LBH: variants seen among roughly 807,000 people sequenced by gnomAD.
LBH encodes protein LBH.
LBH carries 7 observed loss-of-function variants against 12.5 expected under a neutral mutation model. That is an observed-to-expected ratio of 0.56 (90% confidence interval 0.32 to 1.05). The LOEUF is 1.05. Ranked by LOEUF, LBH falls within the 50% of genes least tolerant of loss-of-function variation. LBH has a pLI of 0.04. For missense variants in LBH, 119 were observed against 138.9 expected, an observed-to-expected ratio of 0.86 and a Z score of 0.72; for synonymous variants, 51 against 50.1, an observed-to-expected ratio of 1.02 and a Z score of -0.08.
chr2:30,247,229 C>A (rs973288050), intron 2 of LBH, among the ~76,000 whole-genome samples: 2 of 150,720 alleles, frequency 1.3e-5, no homozygotes, highest in Non-Finnish European at 2.9e-5. Context: ...TTGAGTGCAT[C>A]TTTTACCCAT....
At chr2:30,241,953 A>T (rs2103558540) in intron 2 of LBH, among the ~76,000 whole-genome samples, 1 of 152,262 alleles carries the variant, frequency 6.6e-6, no homozygotes, top group East Asian at 1.9e-4. Context: ...TATTGTGATG[A>T]TTTATCTTAA....
At chr2:30,257,037 G>C (rs1000738728) in intron 2 of LBH, among the ~76,000 whole-genome samples, 1 of 152,228 alleles carries the variant, frequency 6.6e-6, no homozygotes, top group African/African-American at 2.4e-5. Flanking sequence ...ACTTAATGCT[G>C]TGGCACCTGT....
At position 30,257,519 on chromosome 2, in the gene LBH, G is replaced by A; in HGVS notation, c.216G>A (p.Glu72=). 21 of 1,614,254 alleles carry A rather than the reference G, an allele frequency of 1.3e-5. No homozygotes were observed. Among genetic ancestry groups the A allele is most frequent in the Admixed American group, 1.7e-5 (1 of 60,030 alleles). ...PSIVVEPTEG[E]VESGELRWPP... ...TAGTGGTGGAACCCACAGAAGGGGAGGTGGAGAGCGGGGAGCTCCGGTGGC... is the reference window on the plus strand; with the variant it reads ...TAGTGGTGGAACCCACAGAAGGGGAAGTGGAGAGCGGGGAGCTCCGGTGGC... The change falls in exon 3 of 3, where the codon GAG becomes GAA. Residue 72 remains glutamate (E), a synonymous_variant. Transcript: ENST00000395323.
In LBH at chr2:30,245,768, C is replaced by T. The variant is rs533744589; in HGVS notation, c.129+11261C>T. ...AATCCTTATTGTGTTTTTTAAAAGTCGAATAATGACATGAAATCCACCATC... is the reference window on the plus strand; with the variant it reads ...AATCCTTATTGTGTTTTTTAAAAGTTGAATAATGACATGAAATCCACCATC... On this transcript the variant is annotated intron_variant, in intron 2 of 2. Transcript: ENST00000395323. Among the ~76,000 whole-genome samples, 7 of 152,090 alleles carry T rather than the reference C, an allele frequency of 4.6e-5. No individual in the cohort carries two copies. In the South Asian group the frequency reaches 1.0e-3, roughly 23 times the overall value.
chr2:30,249,664 C>G (rs892435902), intron 2 of LBH, among the ~76,000 whole-genome samples: 5 of 152,204 alleles, frequency 3.3e-5, no homozygotes, highest in Admixed American at 6.5e-5. Flanking sequence ...AGAACTCGGC[C>G]TAGGATTTGT....
chr2:30,247,860 G>A (rs1572381355), intron 2 of LBH, among the ~76,000 whole-genome samples: 1 of 152,188 alleles, frequency 6.6e-6, no homozygotes, highest in Non-Finnish European at 1.5e-5. Flanking sequence ...AGTATGGTTT[G>A]CTGCCACTAT....
intron 2 of LBH, among the ~76,000 whole-genome samples, chr2:30,245,083 C>T (rs1677849450): frequency 6.6e-6 from 1 of 152,092 alleles, no homozygotes; most frequent in Admixed American, 6.6e-5. Context: ...TGCATAAATA[C>T]ATCTTTTTAT....
chr2:30,238,139 G>A (rs1267760686), intron 2 of LBH, among the ~76,000 whole-genome samples: 1 of 152,198 alleles, frequency 6.6e-6, no homozygotes, highest in East Asian at 1.9e-4. Flanking sequence ...CTTCGATGCT[G>A]TGCCCGACTT....
At chr2:30,248,970 T>A (rs1185606114) in intron 2 of LBH, among the ~76,000 whole-genome samples, 1 of 151,216 alleles carries the variant, frequency 6.6e-6, no homozygotes, top group African/African-American at 2.5e-5. Flanking sequence ...AATCTTTGCT[T>A]AAGTCCTCTA....
At chr2:30,234,231 T>C in intron 1 of LBH, 174 bp from the exon 2 acceptor site, 1 of 596,834 alleles carries the variant, frequency 1.7e-6, no homozygotes, top group Non-Finnish European at 3.0e-6. Context: ...CCTGGGGCTG[T>C]GGGCTTGCAA....
intron 2 of LBH, among the ~76,000 whole-genome samples, chr2:30,241,419 A>G (rs997916437): frequency 1.3e-5 from 2 of 150,484 alleles, no homozygotes; most frequent in African/African-American, 4.9e-5. Flanking sequence ...TAAAAGAAAC[A>G]TATGCTCATT....
At chr2:30,246,827 C>CCTTT (rs988188807) in intron 2 of LBH, among the ~76,000 whole-genome samples, 7 of 129,644 alleles carry the variant, frequency 5.4e-5, no homozygotes, top group Non-Finnish European at 8.4e-5. Context: ...CTCCCTCCCT[C>CCTTT]CTTTCTTTCT....
rs143819616 is a variant in LBH, at chr2:30,259,440, C to A, written c.*1819C>A. 2 of 153,002 alleles carry A rather than the reference C, an allele frequency of 1.3e-5. No homozygotes were observed. Among genetic ancestry groups the A allele is most frequent in the Non-Finnish European group, 2.9e-5 (2 of 68,150 alleles). The allele number at this position is 153,002 out of a possible 1,614,324, so 9.5% of individuals were successfully genotyped here. A position where few individuals can be genotyped will look rare whatever the true frequency, so the allele number is the denominator to read the frequency against. The stretch of plus-strand genomic sequence containing the variant: ...AGGGGCTTTCCTCTCTCTTGCTCCC[C>A]GCTTCGTTCTGTTTTGGCTGCAGAG... On this transcript the variant is annotated 3_prime_UTR_variant, in exon 3 of 3. Transcript: ENST00000395323.
At chr2:30,255,393 G>A (rs1378670940) in intron 2 of LBH, among the ~76,000 whole-genome samples, 1 of 114,056 alleles carries the variant, frequency 8.8e-6, no homozygotes. Context: ...GTCGGGGTCC[G>A]TGTCCCCCTC....
At chr2:30,252,008 G>A (rs999339473) in intron 2 of LBH, among the ~76,000 whole-genome samples, 15 of 152,160 alleles carry the variant, frequency 9.9e-5, no homozygotes, top group African/African-American at 3.4e-4. Flanking sequence ...GGAGATTCAT[G>A]GTGTGTGTAA....
intron 2 of LBH, among the ~76,000 whole-genome samples, chr2:30,237,149 C>G (rs1260254443): frequency 6.6e-6 from 1 of 152,284 alleles, no homozygotes; most frequent in Non-Finnish European, 1.5e-5. Context: ...CTGTTCTTGG[C>G]ATTCCTCCTA....
chr2:30,233,149 C>T (rs1464913438), intron 1 of LBH: 1 of 152,138 alleles, frequency 6.6e-6, no homozygotes, highest in Non-Finnish European at 1.5e-5. Context: ...GTGTTTGGAC[C>T]CATTAAGAAT....
intron 2 of LBH, among the ~76,000 whole-genome samples, chr2:30,247,938 A>T (rs1263918788): frequency 1.3e-5 from 2 of 152,180 alleles, no homozygotes; most frequent in Non-Finnish European, 2.9e-5. Flanking sequence ...TGCAAGTGTT[A>T]ACACTGAAAA....
intron 2 of LBH, among the ~76,000 whole-genome samples, chr2:30,253,216 G>A (rs1202397831): frequency 1.3e-5 from 2 of 152,174 alleles, no homozygotes; most frequent in Admixed American, 6.5e-5. Context: ...TGATTAAAAA[G>A]CATGACTTAG....
Sources: gnomAD v4.1 joint callset for allele counts (sites outside exome capture counted in the v4.1 genomes callset) on GRCh38, gnomAD v4.1.1 for gene constraint, MANE v1.5 for transcripts, NCBI Gene and HGNC (gene_info 2026-07-23, HGNC 2026-07-21) for gene names.